Variants in TMC1 observed in about 807,000 individuals in gnomAD.
TMC1 encodes transmembrane channel like 1.
Under a neutral mutation model 105.8 loss-of-function variants are expected in TMC1, and 84 were observed. The observed-to-expected ratio is 0.79, with a 90% CI of 0.67 to 0.95. The LOEUF (loss-of-function observed/expected upper bound fraction) is 0.95. TMC1 is among the 40% of genes least tolerant of loss of function. TMC1 has a pLI of 0.00. For missense variants in TMC1, 817 were observed against 914.1 expected (o/e 0.89, Z 1.37); for synonymous variants, 315 against 311.5 (o/e 1.01, Z -0.12).
chr9:72,524,287 A>G lies in TMC1; in HGVS notation c.-428+2374A>G, dbSNP rs1261666000. On this transcript the variant is annotated intron_variant, in intron 1 of 23. Coordinates refer to ENST00000297784, the MANE Select transcript of TMC1 (RefSeq NM_138691.3). ...ATTCTGCCCAAACGTCTCAAAAAGG[A>G]AAAAAATAATTTTAAGGGTAAATAT... is the stretch of plus-strand genomic sequence containing the variant. 3.9e-5 allele frequency among the ~76,000 whole-genome samples: 6 copies of G among 152,308 alleles called. No homozygotes were observed. In the East Asian group the frequency reaches 1.2e-3, roughly 29 times the overall value.
At chr9:72,630,963 G>A (rs1398540655) in intron 4 of TMC1, among the ~76,000 whole-genome samples, 1 of 151,820 alleles carries the variant, frequency 6.6e-6, no homozygotes, top group Non-Finnish European at 1.5e-5. Context: ...CTGCCTCCGG[G>A]TTCAATCAAT....
At chr9:72,761,361 A>G (rs900140314) in intron 12 of TMC1, among the ~76,000 whole-genome samples, 14 of 152,232 alleles carry the variant, frequency 9.2e-5, no homozygotes, top group South Asian at 2.1e-4. Context: ...AGCTGATATC[A>G]GACAGTGAGA....
At chr9:72,799,041 C>A (rs1332590180) in intron 17 of TMC1, among the ~76,000 whole-genome samples, 2 of 151,980 alleles carry the variant, frequency 1.3e-5, no homozygotes, top group African/African-American at 4.8e-5. Context: ...GGCTTTCTAT[C>A]CCTTAAGGGA....
intron 1 of TMC1, among the ~76,000 whole-genome samples, chr9:72,536,621 C>T (rs532668335): frequency 3.3e-4 from 51 of 152,250 alleles, no homozygotes; most frequent in African/African-American, 1.0e-3. Flanking sequence ...CGTGAGCCAC[C>T]GCGCCTGGCC....
intron 12 of TMC1, among the ~76,000 whole-genome samples, chr9:72,758,238 A>T (rs978116226): frequency 3.9e-5 from 6 of 152,176 alleles, no homozygotes; most frequent in Non-Finnish European, 8.8e-5. Flanking sequence ...TTGCTTTTAC[A>T]TTTTTGTAAG....
intron 2 of TMC1, among the ~76,000 whole-genome samples, chr9:72,587,566 C>T (rs1263799163): frequency 6.6e-5 from 10 of 152,160 alleles, no homozygotes; most frequent in Admixed American, 6.6e-4. Flanking sequence ...TTTTCCTAGT[C>T]CCTTCAAGAA....
chr9:72,769,787 G>A (rs991371488), intron 12 of TMC1, among the ~76,000 whole-genome samples: 5 of 152,180 alleles, frequency 3.3e-5, no homozygotes, highest in African/African-American at 1.2e-4. Flanking sequence ...CACATCTGTG[G>A]CAAGGAAATA....
intron 2 of TMC1, among the ~76,000 whole-genome samples, chr9:72,615,846 C>T (rs929907030): frequency 9.2e-5 from 14 of 151,866 alleles, no homozygotes; most frequent in Non-Finnish European, 1.9e-4. Context: ...CTCTGCCTCC[C>T]GGGTTTAAGC....
At chr9:72,699,133 C>T (rs961175790) in intron 7 of TMC1, among the ~76,000 whole-genome samples, 21 of 152,088 alleles carry the variant, frequency 1.4e-4, no homozygotes, top group Non-Finnish European at 2.8e-4. Context: ...AATCTATTAC[C>T]AAAAAGCTGA....
intron 8 of TMC1, among the ~76,000 whole-genome samples, chr9:72,709,017 G>T (rs1327789381): frequency 1.3e-5 from 2 of 151,558 alleles, no homozygotes; most frequent in African/African-American, 4.8e-5. Flanking sequence ...TTTCGGGGGG[G>T]TGGGTGTTTA....
At chr9:72,667,899 C>G (rs1412921232) in intron 5 of TMC1, among the ~76,000 whole-genome samples, 2 of 152,172 alleles carry the variant, frequency 1.3e-5, no homozygotes, top group African/African-American at 4.8e-5. Flanking sequence ...CAATTTAAGT[C>G]TACTTCTTTC....
intron 4 of TMC1, among the ~76,000 whole-genome samples, chr9:72,633,554 T>C (rs1825483940): frequency 6.6e-6 from 1 of 152,204 alleles, no homozygotes; most frequent in African/African-American, 2.4e-5. Context: ...CAGTTGATTT[T>C]GACCTTAATT....
intron 1 of TMC1, among the ~76,000 whole-genome samples, chr9:72,544,478 CT>C (rs71493656): frequency 2.3e-3 from 282 of 125,212 alleles, no homozygotes; most frequent in African/African-American, 5.2e-3. Context: ...GATTTTTTAA[CT>C]TTTTTTTTTT....
intron 22 of TMC1, 44 bp downstream of exon 22, chr9:72,830,573 T>G (rs756111604): frequency 1.4e-5 from 22 of 1,601,202 alleles, no homozygotes; most frequent in Non-Finnish European, 1.9e-5. Flanking sequence ...TTTATTAATG[T>G]CAAGCAGTAG....
At chr9:72,614,162 C>T (rs1253447792) in intron 2 of TMC1, among the ~76,000 whole-genome samples, 1 of 152,180 alleles carries the variant, frequency 6.6e-6, no homozygotes, top group Non-Finnish European at 1.5e-5. Flanking sequence ...GACCATGACA[C>T]TCCCCACCTT....
chr9:72,751,596 T>C (rs1269511402), intron 10 of TMC1, among the ~76,000 whole-genome samples: 1 of 152,214 alleles, frequency 6.6e-6, no homozygotes, highest in Non-Finnish European at 1.5e-5. Context: ...TGGACTATGA[T>C]GGGGTAGGTC....
At chr9:72,702,292 C>T (rs1826658513) in intron 8 of TMC1, among the ~76,000 whole-genome samples, 1 of 152,028 alleles carries the variant, frequency 6.6e-6, no homozygotes, top group Non-Finnish European at 1.5e-5. Flanking sequence ...GTAGAAATAC[C>T]CCCCTGGTCT....
intron 12 of TMC1, among the ~76,000 whole-genome samples, chr9:72,765,958 C>T (rs911125734): frequency 6.6e-6 from 1 of 152,142 alleles, no homozygotes; most frequent in Non-Finnish European, 1.5e-5. Context: ...ATGACAAAAA[C>T]TAGGCATGAG....
intron 7 of TMC1, among the ~76,000 whole-genome samples, chr9:72,699,961 A>G: frequency 8.9e-6 from 1 of 112,606 alleles, no homozygotes; most frequent in African/African-American, 3.2e-5. Flanking sequence ...TGTCTCAAAA[A>G]AAAAAAAAAA....
Sources: gnomAD v4.1 joint callset for allele counts (sites outside exome capture counted in the v4.1 genomes callset) on GRCh38, gnomAD v4.1.1 for gene constraint, MANE v1.5 for transcripts, NCBI Gene and HGNC (gene_info 2026-07-23, HGNC 2026-07-21) for gene names.